Variants in CSGALNACT1 observed in about 807,000 individuals in gnomAD.
CSGALNACT1 encodes beta4GalNAcT-1.
CSGALNACT1 carries 52 observed loss-of-function variants against 51.0 expected under a neutral mutation model. That is an observed-to-expected ratio of 1.02 (90% CI 0.82 to 1.29). The LOEUF is 1.29. Ranked by LOEUF, CSGALNACT1 falls within the 50% of genes most tolerant of loss-of-function variation. CSGALNACT1 has a pLI of 0.00. For missense variants in CSGALNACT1, 935 were observed against 679.2 expected, an observed-to-expected ratio of 1.38 and a Z score of -4.19; for synonymous variants, 341 against 254.4, an observed-to-expected ratio of 1.34 and a Z score of -3.24.
intron 1 of CSGALNACT1, among the ~76,000 whole-genome samples, chr8:19,611,405 A>T (rs999119223): frequency 2.6e-5 from 4 of 152,218 alleles, no homozygotes; most frequent in Non-Finnish European, 4.4e-5. Context: ...AGTAGTAAAA[A>T]TAGCTAGCTA....
chr8:19,597,158 G>C (rs1478997272), intron 2 of CSGALNACT1, among the ~76,000 whole-genome samples: 1 of 152,060 alleles, frequency 6.6e-6, no homozygotes, highest in African/African-American at 2.4e-5. Flanking sequence ...CCATATTTTA[G>C]TAGGTGTCAG....
chr8:19,476,361 C>T (rs1342552223), intron 4 of CSGALNACT1, among the ~76,000 whole-genome samples: 1 of 152,044 alleles, frequency 6.6e-6, no homozygotes, highest in Non-Finnish European at 1.5e-5. Context: ...GCCTCAGCCT[C>T]CCCCAAGTAG....
chr8:19,526,688 C>T (rs1256779819), intron 3 of CSGALNACT1, among the ~76,000 whole-genome samples: 1 of 152,066 alleles, frequency 6.6e-6, no homozygotes, highest in Non-Finnish European at 1.5e-5. Flanking sequence ...GGCGATCAAT[C>T]AGAAACAAAA....
chr8:19,727,455 T>A (rs1242528401), intron 1 of CSGALNACT1, among the ~76,000 whole-genome samples: 2 of 152,082 alleles, frequency 1.3e-5, no homozygotes, highest in Non-Finnish European at 2.9e-5. Context: ...GCTCAAGTCA[T>A]CCTTCCAACT....
intron 1 of CSGALNACT1, among the ~76,000 whole-genome samples, chr8:19,693,375 T>C (rs1024427594): frequency 2.0e-5 from 3 of 152,132 alleles, no homozygotes; most frequent in Non-Finnish European, 4.4e-5. Context: ...CTCTCTCTGT[T>C]CTACCAGCCT....
chr8:19,590,547 C>G (rs2047585272), intron 3 of CSGALNACT1, among the ~76,000 whole-genome samples: 1 of 149,912 alleles, frequency 6.7e-6, no homozygotes, highest in South Asian at 2.2e-4. Flanking sequence ...AGAATGAGAT[C>G]AAACTATTAT....
intron 1 of CSGALNACT1, among the ~76,000 whole-genome samples, chr8:19,671,962 T>C (rs898723526): frequency 2.6e-5 from 4 of 152,242 alleles, no homozygotes; most frequent in African/African-American, 7.2e-5. Context: ...GTTCTACTCA[T>C]TGGGGCAGTT....
Position 19,521,533 on chromosome 8 carries a change from A to G in CSGALNACT1, c.-296-15403T>C, listed in dbSNP as rs181056544. Among the ~76,000 whole-genome samples the G allele has an allele frequency of 7.9e-3, 1,204 of 152,252 alleles. 4 individuals carry two copies. Among genetic ancestry groups the G allele is most frequent in the Non-Finnish European group, 0.013 (873 of 68,012 alleles). ...ACCCATCTCTACTAAAAACACAAAA[A>G]TTATCCAAGCTTGGTGGTGTGCGCT... On this transcript the variant is annotated intron_variant, in intron 3 of 9. Transcript: ENST00000454498.
intron 1 of CSGALNACT1, among the ~76,000 whole-genome samples, chr8:19,676,985 G>C (rs755783637): frequency 6.6e-5 from 10 of 152,148 alleles, no homozygotes; most frequent in Non-Finnish European, 1.3e-4. Context: ...GTCTCGTAGA[G>C]GACTAGAGAC....
intron 3 of CSGALNACT1, among the ~76,000 whole-genome samples, chr8:19,510,916 T>C (rs2078343620): frequency 6.6e-6 from 1 of 152,214 alleles, no homozygotes; most frequent in African/African-American, 2.4e-5. Context: ...GGGATTTCTA[T>C]GACTAGGACA....
intron 3 of CSGALNACT1, among the ~76,000 whole-genome samples, chr8:19,582,296 A>G (rs908805988): frequency 1.3e-5 from 2 of 152,204 alleles, no homozygotes; most frequent in African/African-American, 4.8e-5. Context: ...CAAACCTGGT[A>G]AGGAAAAAAT....
At chr8:19,412,175 C>A (rs1157530652) in intron 8 of CSGALNACT1, among the ~76,000 whole-genome samples, 1 of 152,124 alleles carries the variant, frequency 6.6e-6, no homozygotes, top group Non-Finnish European at 1.5e-5. Flanking sequence ...AGCTGGCCTC[C>A]TCTCAACTCT....
chr8:19,733,979 C>G (rs1212597187), intron 1 of CSGALNACT1, among the ~76,000 whole-genome samples: 2 of 152,148 alleles, frequency 1.3e-5, no homozygotes, highest in African/African-American at 4.8e-5. Flanking sequence ...GTGTACCCAG[C>G]TGCTTCATGG....
chr8:19,589,050 G>A (rs1290185561), intron 3 of CSGALNACT1, among the ~76,000 whole-genome samples: 2 of 152,164 alleles, frequency 1.3e-5, no homozygotes, highest in African/African-American at 2.4e-5. Context: ...GGGTCACGGA[G>A]CTCTTGACAG....
chr8:19,585,070 G>A (rs2046336991), intron 3 of CSGALNACT1: 1 of 152,170 alleles, frequency 6.6e-6, no homozygotes, highest in African/African-American at 2.4e-5. Flanking sequence ...GCACTGCTAA[G>A]AAGTACTTCC....
At chr8:19,438,812 T>A (rs1205715062) in intron 6 of CSGALNACT1, among the ~76,000 whole-genome samples, 1 of 152,218 alleles carries the variant, frequency 6.6e-6, no homozygotes, top group African/African-American at 2.4e-5. Context: ...CTTGAATAAT[T>A]ATAACTAGCA....
chr8:19,597,249 A>G (rs2049111372), intron 2 of CSGALNACT1, among the ~76,000 whole-genome samples: 1 of 146,450 alleles, frequency 6.8e-6, no homozygotes, highest in African/African-American at 2.5e-5. Context: ...TTCATCTGTT[A>G]ATGGATATTG....
intron 1 of CSGALNACT1, among the ~76,000 whole-genome samples, chr8:19,729,444 AC>A (rs2063570603): frequency 2.0e-5 from 3 of 152,208 alleles, no homozygotes; most frequent in Admixed American, 1.3e-4. Flanking sequence ...ATTGAGCCAT[AC>A]AGATGCAGAA....
Position 19,718,580 on chromosome 8 carries a change from A to C in CSGALNACT1, c.-297+39270T>G, listed in dbSNP as rs535463561. ...CAATGTACTGTTTCTATTTCATATG[A>C]ACTGATAATTATTATATGCAATGCT... On this transcript the variant is annotated intron_variant, in intron 1 of 1. Transcript: ENST00000517494. Among the ~76,000 whole-genome samples, 7 of 152,248 alleles carry C rather than the reference A, an allele frequency of 4.6e-5. 1 individual carries two copies. In the South Asian group the frequency reaches 1.5e-3, roughly 32 times the overall value.
Sources: allele counts gnomAD v4.1 joint callset (sites outside exome capture counted in the v4.1 genomes callset), GRCh38; gene constraint gnomAD v4.1.1; transcripts MANE v1.5; gene names NCBI Gene and HGNC (gene_info 2026-07-23, HGNC 2026-07-21).